NRDC: variants seen among roughly 807,000 people sequenced by gnomAD.
NRDC encodes nardilysin.
NRDC carries 54 observed loss-of-function variants against 147.1 expected under a neutral mutation model. The ratio of observed to expected loss-of-function variants is 0.37; its 90% CI spans 0.29 to 0.46. The LOEUF is 0.46. Among genes scored for constraint, NRDC ranks in the 20% least tolerant of loss-of-function variants. NRDC has a pLI of 1.00. For missense variants in NRDC, 1,082 were observed against 1,370.6 expected, an observed-to-expected ratio of 0.79 and a Z score of 3.33; for synonymous variants, 440 against 482.1, an observed-to-expected ratio of 0.91 and a Z score of 1.14.
intron 27 of NRDC, 123 bp downstream of exon 27, chr1:51,791,446 CTTCCCAGCT>C (rs1678649844): frequency 8.4e-6 from 6 of 715,820 alleles, no homozygotes; most frequent in Non-Finnish European, 1.3e-5. Flanking sequence ...CAACCCCCAT[CTTCCCAGCT>C]TCCACTGACT....
At chr1:51,877,993 G>A in intron 1 of NRDC, 1 of 1,283,830 alleles carries the variant, frequency 7.8e-7, no homozygotes, top group Non-Finnish European at 9.9e-7. Context: ...CATTCAGGCT[G>A]CGTTCCTCAA....
intron 7 of NRDC, among the ~76,000 whole-genome samples, chr1:51,822,049 A>C (rs1680234671): frequency 6.6e-6 from 1 of 151,930 alleles, no homozygotes; most frequent in South Asian, 2.1e-4. Context: ...CTTTATATAT[A>C]TATATATCAT....
chr1:51,824,736 G>C (rs1011694438), intron 6 of NRDC, among the ~76,000 whole-genome samples: 1 of 152,224 alleles, frequency 6.6e-6, no homozygotes, highest in African/African-American at 2.4e-5. Context: ...CTGAGGTAGA[G>C]CACAGACTTT....
chr1:51,805,552 C>A lies in NRDC; in HGVS notation c.2120G>T (p.Arg707Leu). ...TATCAACGGTGAAATTAGATGGAAA[C>A]GTATATATGCTAAAAGAAAAAAGAC... ...NKFKIPKAYI[R>L]FHLISPLIQK... is the part of the protein sequence containing the mutation. Residue 707 changes from arginine to leucine, a missense_variant, in exon 19 of 31, where the codon CGT becomes CTT. By Grantham distance (102) the Arg-to-Leu change is moderately radical. Around this residue, in one of 3 missense-constraint regions of NRDC, gnomAD observed 635 missense variants for 923.8 expected, o/e 0.69. Coordinates refer to ENST00000352171, the MANE Select transcript of NRDC (RefSeq NM_001101662.2). 1.3e-6 allele frequency: 2 copies of A among 1,577,698 alleles called. No homozygotes were observed. Among genetic ancestry groups the A allele is most frequent in the Non-Finnish European group, 1.7e-6 (2 of 1,166,998 alleles).
chr1:51,790,744 T>TG, intron 28 of NRDC, 95 bp from the exon 29 acceptor site: 1 of 1,013,480 alleles, frequency 9.9e-7, no homozygotes, highest in East Asian at 2.4e-5. Context: ...GTGATGGACA[T>TG]GCCAGTATAA....
Position 51,845,411 on chromosome 1 carries a change from T to A in NRDC, c.342-4897A>T, listed in dbSNP as rs140898866. 9.5e-4 allele frequency among the ~76,000 whole-genome samples: 145 copies of A among 152,244 alleles called. 1 individual carries two copies. The highest frequency in any genetic ancestry group is 3.4e-3 in the African/African-American group (140 of 41,550). Reference sequence around the variant, plus strand: ...AGTTAAAGACCAGCCTGGCCAACAATGGCGAAAACCCGACTCTATTAAGAA... The same window carrying A: ...AGTTAAAGACCAGCCTGGCCAACAAAGGCGAAAACCCGACTCTATTAAGAA... On this transcript the variant is annotated intron_variant, in intron 1 of 30. Transcript: ENST00000352171.
chr1:51,818,908 T>C (rs1680089735), intron 9 of NRDC, among the ~76,000 whole-genome samples: 1 of 152,236 alleles, frequency 6.6e-6, no homozygotes, highest in Non-Finnish European at 1.5e-5. Context: ...ATGTAGTTAT[T>C]ACAGGTATAC....
At position 51,797,369 on chromosome 1, in the gene NRDC, G is replaced by A. The variant is rs140287621; in HGVS notation, c.2604+880C>T. Among the ~76,000 whole-genome samples the A allele has an allele frequency of 3.1e-3, 473 of 152,120 alleles. 3 individuals are homozygous for A. Among genetic ancestry groups the A allele is most frequent in the South Asian group, 0.017 (80 of 4,818 alleles). On this transcript the variant is annotated intron_variant, in intron 22 of 30. Coordinates refer to ENST00000352171, the MANE Select transcript of NRDC (RefSeq NM_001101662.2). ...ACTGGAAACCACCATTATATTTTCT[G>A]CTTCTATGAATTTGACTACTTTAGA...
chr1:51,823,841 C>A (rs1025417410), intron 6 of NRDC, 55 bp from the exon 7 acceptor site: 1 of 1,302,586 alleles, frequency 7.7e-7, no homozygotes, highest in South Asian at 1.4e-5. Context: ...TGTTAAAAGT[C>A]TTCTACATCA....
chr1:51,870,847 T>TTA (rs1683050519), intron 1 of NRDC, among the ~76,000 whole-genome samples: 1 of 152,104 alleles, frequency 6.6e-6, no homozygotes, highest in African/African-American at 2.4e-5. Flanking sequence ...CAGTAATCTA[T>TTA]TACTGTCTGT....
At chr1:51,817,112 T>G (rs1405287997) in intron 10 of NRDC, among the ~76,000 whole-genome samples, 1 of 152,198 alleles carries the variant, frequency 6.6e-6, no homozygotes, top group Non-Finnish European at 1.5e-5. Flanking sequence ...TCTGTATATA[T>G]GAGAAAATTT....
At chr1:51,824,039 C>G (rs867048201) in intron 6 of NRDC, among the ~76,000 whole-genome samples, 1 of 152,136 alleles carries the variant, frequency 6.6e-6, no homozygotes, top group South Asian at 2.1e-4. Flanking sequence ...CAATAACTCC[C>G]TAAGCTTCCT....
chr1:51,805,894 C>G (rs1158554344), intron 18 of NRDC, among the ~76,000 whole-genome samples: 8 of 152,176 alleles, frequency 5.3e-5, no homozygotes, highest in Non-Finnish European at 1.0e-4. Context: ...CCAGCATTCA[C>G]ACAAATTTAC....
chr1:51,789,859 A>G, intron 29 of NRDC: 1 of 583,314 alleles, frequency 1.7e-6, no homozygotes, highest in South Asian at 2.0e-5. Flanking sequence ...CCAATCATCT[A>G]CAATGGCAAG....
At chr1:51,839,699 G>A (rs1256041930) in intron 2 of NRDC, among the ~76,000 whole-genome samples, 4 of 151,948 alleles carry the variant, frequency 2.6e-5, no homozygotes, top group Admixed American at 6.6e-5. Context: ...AGACCTTTGC[G>A]TTCCCATATA....
At chr1:51,861,265 C>CT (rs71063057) in intron 1 of NRDC, among the ~76,000 whole-genome samples, 16,023 of 108,038 alleles carry the variant, frequency 0.15, 1,933 homozygotes, top group African/African-American at 0.29. Context: ...AGTGGTATTA[C>CT]TTTTTTTTTT....
chr1:51,802,008 CG>C (rs1410369502), intron 20 of NRDC, among the ~76,000 whole-genome samples: 3 of 152,082 alleles, frequency 2.0e-5, no homozygotes, highest in Non-Finnish European at 2.9e-5. Flanking sequence ...AGGATGATCT[CG>C]ATCTCCTGAC....
chr1:51,827,999 T>A, intron 4 of NRDC, 130 bp from the exon 5 acceptor site: 1 of 683,052 alleles, frequency 1.5e-6, no homozygotes, highest in Admixed American at 2.7e-5. Flanking sequence ...ATCTAAATAA[T>A]CTGCATTTCT....
chr1:51,876,351 A>G (rs1285592460), intron 1 of NRDC, among the ~76,000 whole-genome samples: 1 of 152,200 alleles, frequency 6.6e-6, no homozygotes, highest in Non-Finnish European at 1.5e-5. Flanking sequence ...ATATTTGCGT[A>G]TACGTAATGA....
Sources: allele counts gnomAD v4.1 joint callset (sites outside exome capture counted in the v4.1 genomes callset), GRCh38; gene constraint gnomAD v4.1.1; regional missense constraint gnomAD v4.1.1; transcripts MANE v1.5; gene names NCBI Gene and HGNC (gene_info 2026-07-23, HGNC 2026-07-21).